MAP4K3: variants seen among roughly 807,000 people sequenced by gnomAD.
MAP4K3 encodes MAPK/ERK kinase kinase kinase 3.
A neutral mutation model predicts 143.5 loss-of-function variants in MAP4K3; 94 were observed. The observed-to-expected ratio is 0.65, with a 90% CI of 0.55 to 0.78. MAP4K3 has a LOEUF of 0.78. Ranked by LOEUF, MAP4K3 falls within the 30% of genes least tolerant of loss-of-function variation. The pLI is 0.00. For missense variants in MAP4K3, 1,077 were observed against 1,068.1 expected (o/e 1.01, Z -0.12); for synonymous variants, 416 against 347.2 (o/e 1.20, Z -2.20).
At chr2:39,371,063 C>A (rs1216422077) in intron 2 of MAP4K3, among the ~76,000 whole-genome samples, 1 of 152,060 alleles carries the variant, frequency 6.6e-6, no homozygotes, top group Non-Finnish European at 1.5e-5. Context: ...AGTGTTCTAG[C>A]CGGATCAGCC....
Position 39,267,215 on chromosome 2 carries a change from G to C in MAP4K3, c.2006C>G (p.Thr669Ser). The change falls in exon 27 of 34, where the codon ACC (threonine) becomes AGC (serine). Residue 669 changes from threonine to serine, a missense_variant. By Grantham distance (58) the Thr-to-Ser change is moderately conservative (BLOSUM62 1). Coordinates refer to ENST00000263881, the MANE Select transcript of MAP4K3 (RefSeq NM_003618.4). The stretch of plus-strand genomic sequence containing the variant: ...AACACAACACTTCTGGCACCATTTG[G>C]TTTCAGGGATTTTTGCTGATACAGA... ...KFSVSAKIPE[T>S]KWCQKCCVVR... The C allele has an allele frequency of 6.2e-7, 1 of 1,613,994 alleles. No homozygotes were observed. The highest frequency in any genetic ancestry group is 1.7e-5 in the Admixed American group (1 of 60,000).
intron 1 of MAP4K3, among the ~76,000 whole-genome samples, chr2:39,421,733 A>G (rs189909422): frequency 6.6e-6 from 1 of 152,286 alleles, no homozygotes; most frequent in East Asian, 1.9e-4. Context: ...ATTCTCCAAT[A>G]CAAATCATTT....
At chr2:39,433,946 A>G (rs1426219823) in intron 1 of MAP4K3, among the ~76,000 whole-genome samples, 2 of 152,258 alleles carry the variant, frequency 1.3e-5, no homozygotes, top group Admixed American at 6.5e-5. Context: ...CTCCACAACA[A>G]AACAGCTCTG....
At chr2:39,359,651 AG>A (rs1665710257) in intron 2 of MAP4K3, among the ~76,000 whole-genome samples, 2 of 152,262 alleles carry the variant, frequency 1.3e-5, no homozygotes, top group Admixed American at 1.3e-4. Context: ...CTGGACATCC[AG>A]GTATTTCCAT....
intron 1 of MAP4K3, among the ~76,000 whole-genome samples, chr2:39,433,961 G>C (rs1192833798): frequency 1.3e-5 from 2 of 152,190 alleles, no homozygotes; most frequent in Non-Finnish European, 2.9e-5. Flanking sequence ...GCTCTGAGAG[G>C]TTGATTTCAC....
intron 1 of MAP4K3, among the ~76,000 whole-genome samples, chr2:39,404,660 T>C (rs1572494613): frequency 1.3e-5 from 2 of 149,060 alleles, no homozygotes; most frequent in Admixed American, 6.8e-5. Context: ...TTGCTCTTAT[T>C]GCCCAGGCTG....
chr2:39,310,095 T>C (rs1461774316), intron 13 of MAP4K3, among the ~76,000 whole-genome samples: 1 of 152,222 alleles, frequency 6.6e-6, no homozygotes, highest in Non-Finnish European at 1.5e-5. Context: ...ACATCAAACA[T>C]TTACCATTTC....
chr2:39,381,727 C>A (rs1666360218), intron 1 of MAP4K3, among the ~76,000 whole-genome samples: 1 of 152,178 alleles, frequency 6.6e-6, no homozygotes, highest in Admixed American at 6.5e-5. Context: ...ACATTTTAAT[C>A]TGGCCCCCAT....
intron 1 of MAP4K3, among the ~76,000 whole-genome samples, chr2:39,407,352 GAAAAAA>G (rs112820457): frequency 7.6e-6 from 1 of 132,412 alleles, no homozygotes; most frequent in Non-Finnish European, 1.6e-5. Context: ...CAACTTAAAG[GAAAAAA>G]AAAAAAAAGG....
rs529403264 is a variant in MAP4K3 at position 39,249,443 on chromosome 2, T to A, written c.*1175A>T. 6.5e-6 allele frequency: 1 copy of A among 152,724 alleles called. No individual in the cohort carries two copies. The highest frequency in any genetic ancestry group is 1.5e-5 in the Non-Finnish European group (1 of 68,002). The allele number at this position is 152,724 out of a possible 1,614,324, so 9.5% of individuals were successfully genotyped here. The stretch of plus-strand genomic sequence containing the variant: ...CATATACCAAAAAGAGCCAAAAGTG[T>A]GCATTTTGCTAAAACCTGGTATATA... On this transcript the variant is annotated 3_prime_UTR_variant, in exon 34 of 34. Coordinates refer to ENST00000263881, the MANE Select transcript of MAP4K3 (RefSeq NM_003618.4).
intron 1 of MAP4K3, among the ~76,000 whole-genome samples, chr2:39,435,088 T>C (rs543182568): frequency 8.5e-5 from 13 of 152,300 alleles, no homozygotes; most frequent in African/African-American, 1.4e-4. Context: ...TTAGTTAACT[T>C]TTCATCGCAA....
At chr2:39,436,840 G>A in intron 1 of MAP4K3, 52 bp downstream of exon 1, 1 of 1,510,006 alleles carries the variant, frequency 6.6e-7, no homozygotes, top group East Asian at 2.4e-5. Flanking sequence ...GCCCAGGCTT[G>A]GCTGCGGGTC....
intron 13 of MAP4K3, among the ~76,000 whole-genome samples, chr2:39,313,922 A>G (rs1047424226): frequency 3.9e-5 from 6 of 152,264 alleles, no homozygotes; most frequent in African/African-American, 1.2e-4. Context: ...AAAGGGACTG[A>G]CAATGTAATT....
intron 2 of MAP4K3, among the ~76,000 whole-genome samples, chr2:39,359,233 A>G (rs1340859843): frequency 6.6e-6 from 1 of 152,184 alleles, no homozygotes; most frequent in African/African-American, 2.4e-5. Context: ...ATCCAACAGG[A>G]TAGTCATTAA....
At chr2:39,309,254 G>A (rs1161657497) in intron 14 of MAP4K3, among the ~76,000 whole-genome samples, 1 of 152,100 alleles carries the variant, frequency 6.6e-6, no homozygotes, top group Non-Finnish European at 1.5e-5. Context: ...CACCCCAGTA[G>A]CTAGGACTAC....
chr2:39,252,450 T>A (rs1379322907), intron 32 of MAP4K3, among the ~76,000 whole-genome samples: 1 of 152,252 alleles, frequency 6.6e-6, no homozygotes. Context: ...TTAGTGGGTA[T>A]AATGCCTAGC....
intron 5 of MAP4K3, 126 bp downstream of exon 5, chr2:39,337,400 T>C: frequency 1.7e-6 from 1 of 602,986 alleles, no homozygotes; most frequent in Admixed American, 3.0e-5. Flanking sequence ...TCAAATGTAT[T>C]AAAACTCATT....
rs1573050737 is a variant in MAP4K3, at chr2:39,249,565, A to G, written c.*1053T>C. 6.6e-6 allele frequency: 1 copy of G among 152,636 alleles called. No individual in the cohort carries two copies. Among genetic ancestry groups the G allele is most frequent in the Non-Finnish European group, 1.5e-5 (1 of 68,024 alleles). The allele number at this position is 152,636 out of a possible 1,614,324, so 9.5% of individuals were successfully genotyped here. On this transcript the variant is annotated 3_prime_UTR_variant, in exon 34 of 34. Transcript: ENST00000263881. ...ATTATATTGTTTGTATGAGGTAGTA[A>G]CTAAATTATTTTGGCCATGTATTAA...
chr2:39,360,218 C>T (rs116542808), intron 2 of MAP4K3, among the ~76,000 whole-genome samples: 1,616 of 152,280 alleles, frequency 0.011, 32 homozygotes, highest in African/African-American at 0.037. Flanking sequence ...GGCAAAATGC[C>T]GCCACTCTCT....
Sources: allele counts gnomAD v4.1 joint callset (sites outside exome capture counted in the v4.1 genomes callset), GRCh38; gene constraint gnomAD v4.1.1; transcripts MANE v1.5; gene names NCBI Gene and HGNC (gene_info 2026-07-23, HGNC 2026-07-21).